Variants in GBF1 observed in about 807,000 individuals in gnomAD.
The protein encoded by GBF1 is Golgi-specific brefeldin A-resistance guanine nucleotide exchange factor 1.
GBF1 carries 114 observed loss-of-function variants against 210.5 expected under a neutral mutation model. The ratio of observed to expected loss-of-function variants is 0.54; its 90% CI spans 0.47 to 0.63. The LOEUF is 0.63. GBF1 is among the 30% of genes least tolerant of loss of function. The pLI is 0.00. For missense variants in GBF1, 1,851 were observed against 2,357.7 expected, an observed-to-expected ratio of 0.79 and a Z score of 4.45; for synonymous variants, 850 against 889.2, an observed-to-expected ratio of 0.96 and a Z score of 0.78.
At chr10:102,332,740 A>G (rs1273690069) in intron 3 of GBF1, among the ~76,000 whole-genome samples, 1 of 152,104 alleles carries the variant, frequency 6.6e-6, no homozygotes, top group Non-Finnish European at 1.5e-5. Flanking sequence ...TGCTGGCCCT[A>G]AGTGGATCTA....
chr10:102,265,649 TACTCTAGCCTGAGTG>T (rs1412008001), intron 3 of GBF1, among the ~76,000 whole-genome samples: 1 of 152,124 alleles, frequency 6.6e-6, no homozygotes, highest in Non-Finnish European at 1.5e-5. Context: ...TGCGCCACTG[TACTCTAGCCTGAGTG>T]ACAAGAGTGA....
chr10:102,293,764 G>GTTTTTTTTTTTTTT lies in GBF1; in HGVS notation c.163+33652_163+33653insTTTTTTTTTTTTTT, dbSNP rs1263151407. 5.9e-3 allele frequency among the ~76,000 whole-genome samples: 300 copies of GTTTTTTTTTTTTTT among 50,862 alleles called. 109 individuals carry two copies. Among genetic ancestry groups the GTTTTTTTTTTTTTT allele is most frequent in the Non-Finnish European group, 8.3e-3 (197 of 23,610 alleles). The allele number at this position is 50,862 out of a possible 152,430, so 33.4% of individuals were successfully genotyped here. A position where few individuals can be genotyped will look rare whatever the true frequency, so the allele number is the denominator to read the frequency against. On this transcript the variant is annotated intron_variant, in intron 3 of 39. Transcript: ENST00000369983. ...AAAATATTTTGTACAGCTGTAGTAT[G>GTTTTTTTTTTTTTT]TTTTGTGTTTTTTTTTTTTTTTTTT...
At chr10:102,368,681 G>T in intron 22 of GBF1, 58 bp from the exon 23 acceptor site, 1 of 1,231,052 alleles carries the variant, frequency 8.1e-7, no homozygotes, top group Non-Finnish European at 1.2e-6. Flanking sequence ...TCAGGGACTT[G>T]GAAGGGCTGC....
intron 3 of GBF1, among the ~76,000 whole-genome samples, chr10:102,284,409 T>C (rs759679373): frequency 2.0e-5 from 3 of 152,312 alleles, no homozygotes; most frequent in African/African-American, 2.4e-5. Flanking sequence ...ATTAAGCAGT[T>C]GCTCCACACT....
intron 3 of GBF1, among the ~76,000 whole-genome samples, chr10:102,261,108 A>G (rs1253018520): frequency 1.3e-5 from 2 of 152,170 alleles, no homozygotes; most frequent in Non-Finnish European, 2.9e-5. Flanking sequence ...AGCTGAGGTC[A>G]CACTAATCCT....
chr10:102,364,856 G>GA (rs1332165784), intron 17 of GBF1, among the ~76,000 whole-genome samples: 19 of 146,708 alleles, frequency 1.3e-4, no homozygotes, highest in South Asian at 2.2e-4. Context: ...CTCGGAAAAA[G>GA]AAAAAAAAAA....
In GBF1 at chr10:102,376,809, G is replaced by A. The variant is rs746287420; in HGVS notation, c.4288+9G>A. The A allele has an allele frequency of 1.2e-6, 2 of 1,608,902 alleles. No homozygotes were observed. The highest frequency in any genetic ancestry group is 1.7e-6 in the Non-Finnish European group (2 of 1,179,646). On this transcript the variant is annotated intron_variant, in intron 32 of 39. Transcript: ENST00000369983. ...GGCCAGTCTGAATGGCGGTGGGTCA[G>A]CTGATGAGGGGGCAGCTGGGGAGTA...
chr10:102,240,797 C>T (rs1384087118), upstream of GBF1, among the ~76,000 whole-genome samples: 1 of 152,244 alleles, frequency 6.6e-6, no homozygotes, highest in Non-Finnish European at 1.5e-5. Context: ...CAGTCGCGGC[C>T]GGGCTCTCAC....
rs1373529093 is a variant in GBF1, at chr10:102,379,405, G to T, written c.4616G>T (p.Trp1539Leu). ...QKIEADSRTL[W>L]AHCWCPLLQG... Reference sequence around the variant, plus strand: ...ATTGAAGCTGATTCTCGCACCCTCTGGGCCCACTGCTGGTGCCCTTTACTG... The same window carrying T: ...ATTGAAGCTGATTCTCGCACCCTCTTGGCCCACTGCTGGTGCCCTTTACTG... The change falls in exon 34 of 40, where the codon TGG becomes TTG. Residue 1539 changes from tryptophan to leucine, a missense_variant. By Grantham distance (61) the Trp-to-Leu change is moderately conservative. Around this residue, in one of 3 missense-constraint regions of GBF1, gnomAD observed 967 missense variants for 1,247.7 expected, o/e 0.78. Coordinates refer to ENST00000369983, the MANE Select transcript of GBF1 (RefSeq NM_001377137.1). 3 of 1,613,988 alleles carry T rather than the reference G, an allele frequency of 1.9e-6. No homozygotes were observed. In the African/African-American group the frequency reaches 4.0e-5, roughly 22 times the overall value.
chr10:102,250,385 A>G (rs7913281), intron 1 of GBF1, among the ~76,000 whole-genome samples: 25,682 of 152,030 alleles, frequency 0.17, 2,393 homozygotes, highest in East Asian at 0.35. Context: ...TTGTAGACAC[A>G]GGATTTTACT....
intron 39 of GBF1, 43 bp from the exon 40 acceptor site, chr10:102,382,013 C>T: frequency 6.7e-7 from 1 of 1,495,450 alleles, no homozygotes. Flanking sequence ...TTGTCTTGTA[C>T]CAACAAGGGA....
Position 102,269,371 on chromosome 10 carries a change from G to T in GBF1, c.163+9255G>T, listed in dbSNP as rs147309687. Among the ~76,000 whole-genome samples, 658 of 152,352 alleles carry T rather than the reference G, an allele frequency of 4.3e-3. 3 individuals are homozygous for T. The highest frequency in any genetic ancestry group is 0.014 in the Middle Eastern group (4 of 294). On this transcript the variant is annotated intron_variant, in intron 3 of 39. Coordinates refer to ENST00000369983, the MANE Select transcript of GBF1 (RefSeq NM_001377137.1). The stretch of plus-strand genomic sequence containing the variant: ...AATTGGCATATGATTTGGTGGAAAG[G>T]CAGGGCCAGATGTAGTGTGGGAGCT...
At chr10:102,369,461 A>G in intron 24 of GBF1, 74 bp downstream of exon 24, 1 of 1,238,152 alleles carries the variant, frequency 8.1e-7, no homozygotes, top group Non-Finnish European at 1.2e-6. Flanking sequence ...TGTACATAGA[A>G]GTAAGTGGTT....
rs543213483 is a variant in GBF1, at chr10:102,253,288, T to C, written c.-10-5641T>C. Among the ~76,000 whole-genome samples, 10 of 152,314 alleles carry C rather than the reference T, an allele frequency of 6.6e-5. No individual in the cohort carries two copies. In the South Asian group the frequency reaches 2.1e-3, roughly 32 times the overall value. ...AAAATAACATCACCAAAACTGAGGC[T>C]GCATGTATGTATGCCCTTCCCTGTT... On this transcript the variant is annotated intron_variant, in intron 1 of 39. Coordinates refer to ENST00000369983, the MANE Select transcript of GBF1 (RefSeq NM_001377137.1).
chr10:102,340,463 C>T (rs1010956148), intron 3 of GBF1, among the ~76,000 whole-genome samples: 7 of 150,662 alleles, frequency 4.6e-5, no homozygotes, highest in Non-Finnish European at 5.9e-5. Context: ...TTAGTAGAGA[C>T]GGGGTTTCAC....
At chr10:102,361,545 A>G (rs1452285085) in intron 13 of GBF1, among the ~76,000 whole-genome samples, 173 bp from the exon 14 acceptor site, 1 of 152,176 alleles carries the variant, frequency 6.6e-6, no homozygotes, top group African/African-American at 2.4e-5. Flanking sequence ...ATCCCCCAAC[A>G]TGGAGGCCAA....
At chr10:102,307,910 T>C (rs2078055257) in intron 3 of GBF1, among the ~76,000 whole-genome samples, 1 of 152,088 alleles carries the variant, frequency 6.6e-6, no homozygotes, top group Non-Finnish European at 1.5e-5. Context: ...GAAAAGGTGC[T>C]CAACTTCATT....
intron 3 of GBF1, among the ~76,000 whole-genome samples, chr10:102,303,088 A>G (rs563593840): frequency 6.6e-5 from 10 of 151,128 alleles, no homozygotes; most frequent in Non-Finnish European, 1.5e-4. Flanking sequence ...CCTGGGTTCA[A>G]GTGATTCTCC....
chr10:102,330,463 C>A (rs1286025625), intron 3 of GBF1, among the ~76,000 whole-genome samples: 2 of 152,272 alleles, frequency 1.3e-5, no homozygotes, highest in South Asian at 2.1e-4. Context: ...GCAGGCAGAT[C>A]ACCTCAGGTT....
Sources: allele counts gnomAD v4.1 joint callset (sites outside exome capture counted in the v4.1 genomes callset), GRCh38; gene constraint gnomAD v4.1.1; regional missense constraint gnomAD v4.1.1; transcripts MANE v1.5; gene names NCBI Gene and HGNC (gene_info 2026-07-23, HGNC 2026-07-21).